The following OLFM3 variants were observed in gnomAD, a reference collection of about 807,000 sequenced individuals.
OLFM3 encodes the protein noelin-3.
A neutral mutation model predicts 48.6 loss-of-function variants in OLFM3; 20 were observed. The ratio of observed to expected loss-of-function variants is 0.41; its 90% CI spans 0.29 to 0.60. OLFM3 has a LOEUF of 0.60. OLFM3 is among the 20% of genes least tolerant of loss of function. The pLI, the probability that OLFM3 is intolerant of heterozygous loss-of-function variation, is 0.28. For missense variants in OLFM3, 437 were observed against 544.3 expected (o/e 0.80, Z 1.96); for synonymous variants, 222 against 198.1 (o/e 1.12, Z -1.01).
intron 1 of OLFM3, among the ~76,000 whole-genome samples, chr1:101,909,616 T>C (rs1658680072): frequency 6.6e-6 from 1 of 152,240 alleles, no homozygotes; most frequent in Non-Finnish European, 1.5e-5. Flanking sequence ...TTATGGTCAT[T>C]CTGCATATAA....
chr1:101,927,302 G>T (rs1480382422), intron 1 of OLFM3, among the ~76,000 whole-genome samples: 1 of 152,018 alleles, frequency 6.6e-6, no homozygotes, highest in African/African-American at 2.4e-5. Flanking sequence ...AAACAGAAAA[G>T]AACTAGCTTC....
In OLFM3 at chr1:101,826,126, TCAAA is replaced by T. The variant is rs1654852129; in HGVS notation, c.373-885_373-882del. On this transcript the variant is annotated intron_variant, in intron 3 of 5. Transcript: ENST00000370103. ...TTTGAAACTGAAGCATTGACTTTCG[TCAAA>T]CACACACACACACACACACACACAC... is the stretch of plus-strand genomic sequence containing the variant. 1.7e-5 allele frequency among the ~76,000 whole-genome samples: 2 copies of T among 115,006 alleles called. 1 individual carries two copies. The highest frequency in any genetic ancestry group is 1.8e-4 in the Admixed American group (2 of 11,162). The allele number at this position is 115,006 out of a possible 152,430, so 75.4% of individuals were successfully genotyped here.
intron 4 of OLFM3, chr1:101,812,897 A>G (rs964392770): frequency 2.0e-6 from 2 of 995,738 alleles, no homozygotes; most frequent in Non-Finnish European, 1.2e-6. Flanking sequence ...ACTTTCTTGT[A>G]GCACTAAGCA....
intron 1 of OLFM3, among the ~76,000 whole-genome samples, chr1:101,977,467 G>T (rs1203148312): frequency 6.6e-6 from 1 of 152,130 alleles, no homozygotes; most frequent in Non-Finnish European, 1.5e-5. Context: ...GCATCTGGGA[G>T]ACCTGAACTG....
chr1:101,811,570 A>G (rs940235662), intron 4 of OLFM3, among the ~76,000 whole-genome samples: 11 of 152,206 alleles, frequency 7.2e-5, no homozygotes, highest in Non-Finnish European at 5.9e-5. Context: ...TATGCAGCCA[A>G]CAGACATATG....
At chr1:101,828,093 G>A (rs1654972156) in intron 3 of OLFM3, among the ~76,000 whole-genome samples, 1 of 106,694 alleles carries the variant, frequency 9.4e-6, no homozygotes, top group Non-Finnish European at 2.1e-5. Context: ...CCTGCCTTGT[G>A]AAGAAGGTGA....
At chr1:101,900,154 C>T (rs6577281) in intron 1 of OLFM3, among the ~76,000 whole-genome samples, 68,252 of 151,848 alleles carry the variant, frequency 0.45, 15,544 homozygotes, top group East Asian at 0.6. Context: ...TTGATGTTTC[C>T]CACTAGAATG....
intron 1 of OLFM3, among the ~76,000 whole-genome samples, chr1:101,848,476 T>G (rs1270256977): frequency 6.6e-6 from 1 of 151,738 alleles, no homozygotes; most frequent in Non-Finnish European, 1.5e-5. Context: ...TCCTCAAATC[T>G]TCCTTGCAAC....
intron 1 of OLFM3, among the ~76,000 whole-genome samples, chr1:101,937,648 C>T (rs953737993): frequency 6.6e-6 from 1 of 152,148 alleles, no homozygotes; most frequent in Non-Finnish European, 1.5e-5. Context: ...CCACCCCAGC[C>T]ACATGAAACT....
At chr1:101,955,045 G>T (rs984874322) in intron 1 of OLFM3, among the ~76,000 whole-genome samples, 1 of 152,020 alleles carries the variant, frequency 6.6e-6, no homozygotes, top group Non-Finnish European at 1.5e-5. Context: ...TTCAGTAGAC[G>T]AAGTATTATG....
At chr1:101,989,038 T>C (rs187339668) in intron 1 of OLFM3, among the ~76,000 whole-genome samples, 1 of 152,224 alleles carries the variant, frequency 6.6e-6, no homozygotes, top group Non-Finnish European at 1.5e-5. Context: ...TAGGGGTTCT[T>C]AGTTTATCAG....
chr1:101,804,051 T>C lies in OLFM3; in HGVS notation c.*187A>G. The C allele has an allele frequency of 2.1e-6, 1 of 486,114 alleles. No individual in the cohort carries two copies. Among genetic ancestry groups the C allele is most frequent in the Non-Finnish European group, 3.6e-6 (1 of 278,328 alleles). 30.1% of individuals were successfully genotyped at this position (486,114 alleles called of 1,614,324 possible). A position where few individuals can be genotyped will look rare whatever the true frequency, so the allele number is the denominator to read the frequency against. ...TGATAGGCCTTGTAAATTTAGAAGT[T>C]AAGATGTGTTTCCAACATGGTAAGT... On this transcript the variant is annotated 3_prime_UTR_variant, in exon 6 of 6. Transcript: ENST00000370103. The surrounding 1 kb of genome is among the most constrained non-coding windows in gnomAD (Gnocchi z 4.5).
At chr1:101,874,568 A>G (rs970434932) in intron 1 of OLFM3, among the ~76,000 whole-genome samples, 3 of 151,848 alleles carry the variant, frequency 2.0e-5, no homozygotes, top group African/African-American at 7.2e-5. Context: ...TATGTATATA[A>G]TTTTGATATA....
intron 1 of OLFM3, among the ~76,000 whole-genome samples, chr1:101,857,260 C>T (rs1191893304): frequency 2.0e-5 from 3 of 151,844 alleles, no homozygotes; most frequent in Non-Finnish European, 4.4e-5. Context: ...AAGGAAGTAA[C>T]TGTTGTCAGG....
At chr1:101,981,300 T>C (rs934385038) in intron 1 of OLFM3, among the ~76,000 whole-genome samples, 1 of 152,120 alleles carries the variant, frequency 6.6e-6, no homozygotes, top group Non-Finnish European at 1.5e-5. Context: ...TCCAACAGCA[T>C]TTGTATCATA....
intron 1 of OLFM3, among the ~76,000 whole-genome samples, chr1:101,876,972 A>G (rs1332073748): frequency 6.6e-6 from 1 of 151,952 alleles, no homozygotes; most frequent in Non-Finnish European, 1.5e-5. Flanking sequence ...CAGTTTGTCA[A>G]CTAGAAGAAG....
chr1:101,837,396 T>G (rs1458925248), intron 1 of OLFM3, among the ~76,000 whole-genome samples: 1 of 152,120 alleles, frequency 6.6e-6, no homozygotes, highest in East Asian at 1.9e-4. Flanking sequence ...TAACAGTAAA[T>G]GACAATTACT....
chr1:101,838,400 G>T (rs1655542153), intron 1 of OLFM3, among the ~76,000 whole-genome samples: 1 of 152,086 alleles, frequency 6.6e-6, no homozygotes, highest in African/African-American at 2.4e-5. Context: ...GACCTATCAA[G>T]TAGACTCTAT....
chr1:101,970,384 A>T (rs1412771504), intron 1 of OLFM3, among the ~76,000 whole-genome samples: 4 of 152,238 alleles, frequency 2.6e-5, no homozygotes, highest in Non-Finnish European at 5.9e-5. Context: ...AAATATTTCA[A>T]GTAGAGAATG....
Sources: gnomAD v4.1 joint callset for allele counts (sites outside exome capture counted in the v4.1 genomes callset) on GRCh38, gnomAD v4.1.1 for gene constraint, Gnocchi (gnomAD v3.1) non-coding constraint, MANE v1.5 for transcripts, NCBI Gene and HGNC (gene_info 2026-07-23, HGNC 2026-07-21) for gene names.